Variants in GCNT2 observed in about 807,000 individuals in gnomAD.
GCNT2 encodes the protein N-acetyllactosaminide beta-1,6-N-acetylglucosaminyl-transferase.
GCNT2 carries 34 observed loss-of-function variants against 34.2 expected under a neutral mutation model. That is an observed-to-expected ratio of 1.00 (90% CI 0.76 to 1.32). The LOEUF (loss-of-function observed/expected upper bound fraction) is 1.32, where lower values mean the gene tolerates loss of function less well. Among genes scored for constraint, GCNT2 ranks in the 40% most tolerant of loss-of-function variants. The pLI is 0.00. For missense variants in GCNT2, 584 were observed against 489.4 expected (o/e 1.19, Z -1.82); for synonymous variants, 212 against 188.0 (o/e 1.13, Z -1.04).
chr6:10,586,955 C>CT, intron 3 of GCNT2: 1 of 1,377,622 alleles, frequency 7.3e-7, no homozygotes, highest in Non-Finnish European at 1.0e-6. Flanking sequence ...ATTGAGTTTG[C>CT]TAACATTCTG....
chr6:10,623,538 C>T (rs1008981544), intron 4 of GCNT2, among the ~76,000 whole-genome samples: 1 of 152,116 alleles, frequency 6.6e-6, no homozygotes, highest in Admixed American at 6.6e-5. Context: ...GATCCACCTG[C>T]GTCGGCCTCC....
intron 3 of GCNT2, among the ~76,000 whole-genome samples, chr6:10,563,771 AAAAAAAATATATATATAT>A (rs1177777522): frequency 4.9e-4 from 32 of 65,266 alleles, no homozygotes; most frequent in Middle Eastern, 6.7e-3. Context: ...AAAAAAAAAA[AAAAAAAATATATATATAT>A]ATATATATAT....
At chr6:10,561,779 AT>A (rs1762997257) in intron 3 of GCNT2, among the ~76,000 whole-genome samples, 2 of 139,918 alleles carry the variant, frequency 1.4e-5, no homozygotes, top group Admixed American at 7.0e-5. Context: ...GAATGTTTTC[AT>A]TTATTTCGTT....
intron 4 of GCNT2, among the ~76,000 whole-genome samples, chr6:10,625,067 T>G (rs1351430982): frequency 1.3e-5 from 2 of 152,214 alleles, no homozygotes; most frequent in Non-Finnish European, 2.9e-5. Context: ...AATTCTGGCT[T>G]CTTTCCCCAA....
chr6:10,529,939 A>G, intron 3 of GCNT2, 103 bp downstream of exon 3: 1 of 979,080 alleles, frequency 1.0e-6, no homozygotes, highest in Non-Finnish European at 1.6e-6. Flanking sequence ...AAACTTCTTT[A>G]CGGTTTTAAA....
intron 3 of GCNT2, among the ~76,000 whole-genome samples, chr6:10,547,428 A>G (rs1041332941): frequency 9.2e-5 from 14 of 152,158 alleles, no homozygotes; most frequent in African/African-American, 3.1e-4. Flanking sequence ...GTTTGGAACA[A>G]TTTCTCAGTC....
intron 3 of GCNT2, among the ~76,000 whole-genome samples, chr6:10,609,801 T>C (rs1250623510): frequency 2.0e-5 from 3 of 152,052 alleles, no homozygotes; most frequent in Non-Finnish European, 2.9e-5. Flanking sequence ...TGTAGAAATG[T>C]AAAATGAGAA....
chr6:10,536,693 C>T (rs1689423382), intron 3 of GCNT2, among the ~76,000 whole-genome samples: 1 of 149,330 alleles, frequency 6.7e-6, no homozygotes, highest in African/African-American at 2.5e-5. Flanking sequence ...AGAGTTGGGA[C>T]ACCTGTGAGT....
At chr6:10,530,083 C>T (rs1184243963) in intron 3 of GCNT2, 5 of 451,140 alleles carry the variant, frequency 1.1e-5, no homozygotes, top group Non-Finnish European at 1.6e-5. Flanking sequence ...AAAACGTGAC[C>T]GAGCACAGTG....
intron 3 of GCNT2, among the ~76,000 whole-genome samples, chr6:10,547,635 A>C (rs953002182): frequency 2.6e-5 from 4 of 152,190 alleles, no homozygotes; most frequent in Admixed American, 2.0e-4. Flanking sequence ...AAGTGTTTTT[A>C]TTTATTACTA....
At chr6:10,611,242 C>G (rs1395991816) in intron 3 of GCNT2, among the ~76,000 whole-genome samples, 1 of 148,578 alleles carries the variant, frequency 6.7e-6, no homozygotes, top group East Asian at 2.0e-4. Flanking sequence ...AAAAAAAATC[C>G]TAAGTGATCA....
chr6:10,529,399 G>T lies in GCNT2; in HGVS notation c.488G>T (p.Gly163Val). The change falls in exon 3 of 5, where the codon GGG becomes GTG. Residue 163 changes from glycine (G) to valine (V), a missense_variant. Coordinates refer to ENST00000495262, the MANE Select transcript of GCNT2 (RefSeq NM_145649.5). ...ASKKESVVYG[G>V]ISRLQADLNC... The stretch of plus-strand genomic sequence containing the variant: ...AAGAAGGAGTCGGTTGTCTATGGGG[G>T]GATCTCCAGGCTCCAGGCTGACCTG... 6.2e-7 allele frequency: 1 copy of T among 1,614,084 alleles called. No homozygotes were observed. Among genetic ancestry groups the T allele is most frequent in the Non-Finnish European group, 8.5e-7 (1 of 1,180,000 alleles).
intron 3 of GCNT2, chr6:10,556,892 G>C (rs141492136): frequency 6.2e-7 from 1 of 1,614,064 alleles, no homozygotes; most frequent in East Asian, 2.2e-5. Context: ...GATGGAACCC[G>C]TTGTCTATGG....
At chr6:10,559,801 C>G (rs994842255) in intron 3 of GCNT2, among the ~76,000 whole-genome samples, 1 of 152,212 alleles carries the variant, frequency 6.6e-6, no homozygotes, top group East Asian at 1.9e-4. Context: ...CGTGCCATGT[C>G]CTGGGGCTTT....
rs567809554 is a variant in GCNT2 at position 10,523,049 on chromosome 6, C to G, written c.-469+1632C>G. Among the ~76,000 whole-genome samples the G allele has an allele frequency of 3.3e-5, 5 of 152,332 alleles. No homozygotes were observed. In the South Asian group the frequency reaches 8.3e-4, roughly 25 times the overall value. ...GCGGAAAGTGCCTTTAAGGCCTCGACTCCGCCTAGTAACTGAGCTGCTATT... is the reference window on the plus strand; with the variant it reads ...GCGGAAAGTGCCTTTAAGGCCTCGAGTCCGCCTAGTAACTGAGCTGCTATT... On this transcript the variant is annotated intron_variant, in intron 1 of 4. Transcript: ENST00000495262.
intron 3 of GCNT2, among the ~76,000 whole-genome samples, chr6:10,592,335 AGTGAT>A (rs2127419681): frequency 6.6e-6 from 1 of 152,316 alleles, no homozygotes; most frequent in East Asian, 1.9e-4. Context: ...ATATTGCGTT[AGTGAT>A]GTGGACCAGT....
chr6:10,565,874 C>T (rs1763258681), intron 3 of GCNT2, among the ~76,000 whole-genome samples: 1 of 152,218 alleles, frequency 6.6e-6, no homozygotes, highest in South Asian at 2.1e-4. Flanking sequence ...TCCACAGTGA[C>T]AGGATGGCCT....
At position 10,529,319 on chromosome 6, in the gene GCNT2, T is replaced by C; in HGVS notation, c.408T>C (p.Phe136=). 1 of 1,614,100 alleles carries C rather than the reference T, an allele frequency of 6.2e-7. No individual in the cohort carries two copies. Among genetic ancestry groups the C allele is most frequent in the Non-Finnish European group, 8.5e-7 (1 of 1,180,008 alleles). Residue 136 remains phenylalanine, a synonymous_variant, in exon 3 of 5, where the codon TTT becomes TTC. Coordinates refer to ENST00000495262, the MANE Select transcript of GCNT2 (RefSeq NM_145649.5). ...TGGATCAGAAGGCGACGGATGCCTTTAAAGGTGCAGTGAAACAGTTACTCA... is the reference window on the plus strand; with the variant it reads ...TGGATCAGAAGGCGACGGATGCCTTCAAAGGTGCAGTGAAACAGTTACTCA... ...VHLDQKATDA[F]KGAVKQLLSC...
chr6:10,538,437 A>AAAAAAAATATATATAT (rs1554127249), intron 3 of GCNT2, among the ~76,000 whole-genome samples: 1 of 73,354 alleles, frequency 1.4e-5, no homozygotes, highest in African/African-American at 1.2e-4. Context: ...AAAAAAAAAA[A>AAAAAAAATATATATAT]ATATATATAT....
Sources: gnomAD v4.1 joint callset for allele counts (sites outside exome capture counted in the v4.1 genomes callset) on GRCh38, gnomAD v4.1.1 for gene constraint, MANE v1.5 for transcripts, NCBI Gene and HGNC (gene_info 2026-07-23, HGNC 2026-07-21) for gene names.